Variants in DYNC2H1 observed in about 807,000 individuals in gnomAD.
DYNC2H1 encodes dynein cytoplasmic 2 heavy chain 1.
Under a neutral mutation model 570.0 loss-of-function variants are expected in DYNC2H1, and 410 were observed. The ratio of observed to expected loss-of-function variants is 0.72; its 90% CI spans 0.66 to 0.78. DYNC2H1 has a LOEUF of 0.78. Ranked by LOEUF, DYNC2H1 falls within the 30% of genes least tolerant of loss-of-function variation. The pLI is 0.00. For synonymous variants in DYNC2H1, 1,688 were observed against 1,677.6 expected (o/e 1.01, Z -0.15); for missense variants, 4,865 against 5,046.4 (o/e 0.96, Z 1.09).
At chr11:103,432,628 T>C (rs1943932808) in intron 84 of DYNC2H1, among the ~76,000 whole-genome samples, 1 of 151,736 alleles carries the variant, frequency 6.6e-6, no homozygotes, top group African/African-American at 2.4e-5. Context: ...TGGTCTAAAA[T>C]AACCATAAAC....
chr11:103,172,900 G>T (rs1447189422), intron 34 of DYNC2H1, among the ~76,000 whole-genome samples, 182 bp from the exon 35 acceptor site: 3 of 151,920 alleles, frequency 2.0e-5, no homozygotes, highest in Non-Finnish European at 4.4e-5. Context: ...TAAGGAGATG[G>T]TTAGTACATT....
At chr11:103,427,931 CTTCCAAGA>C (rs140761223) in intron 84 of DYNC2H1, among the ~76,000 whole-genome samples, 8,254 of 151,780 alleles carry the variant, frequency 0.054, 271 homozygotes, top group Non-Finnish European at 0.079. Flanking sequence ...TACTAGAGTT[CTTCCAAGA>C]AACAGAACCA....
At chr11:103,426,949 C>G (rs1367960137) in intron 84 of DYNC2H1, among the ~76,000 whole-genome samples, 1 of 152,010 alleles carries the variant, frequency 6.6e-6, no homozygotes, top group Non-Finnish European at 1.5e-5. Flanking sequence ...TATAAAAATT[C>G]ATAAATGTGT....
intron 28 of DYNC2H1, 106 bp downstream of exon 28, chr11:103,159,133 T>C: frequency 1.3e-6 from 1 of 784,240 alleles, no homozygotes; most frequent in South Asian, 1.9e-5. Context: ...TCAGTTCATA[T>C]ACCCAAATAC....
rs981069530 is a variant in DYNC2H1, at chr11:103,168,933, T to G, written c.4941T>G (p.Ser1647=). The G allele has an allele frequency of 8.7e-6, 14 of 1,611,774 alleles. No individual in the cohort carries two copies. Among genetic ancestry groups the G allele is most frequent in the Non-Finnish European group, 1.2e-5 (14 of 1,179,142 alleles). The change falls in exon 32 of 89, where the codon TCT becomes TCG. Residue 1647 remains serine (S), a synonymous_variant. Transcript: ENST00000375735. ...DHTCCVQMVD[S]EFQYTYEYQG... ...CATGTTGTGTTCAAATGGTGGATTC[T>G]GAATTTCAGTATACTTATGAATATC...
chr11:103,282,144 T>A lies in DYNC2H1; in HGVS notation c.10762-35T>A, dbSNP rs761824529. 6 of 1,589,982 alleles carry A rather than the reference T, an allele frequency of 3.8e-6. No individual in the cohort carries two copies. In the South Asian group the frequency reaches 7.0e-5, roughly 18 times the overall value. ...CAATTTTGTTAACTGGTTATCATTTTTATATTTTTGTGTTCCTATATTTTT... is the reference window on the plus strand; with the variant it reads ...CAATTTTGTTAACTGGTTATCATTTATATATTTTTGTGTTCCTATATTTTT... On this transcript the variant is annotated intron_variant, in intron 71 of 88. Transcript: ENST00000375735.
At chr11:103,343,106 G>C (rs1372202547) in intron 82 of DYNC2H1, among the ~76,000 whole-genome samples, 1 of 152,174 alleles carries the variant, frequency 6.6e-6, no homozygotes, top group African/African-American at 2.4e-5. Context: ...GGGAGCATTG[G>C]TTTGCCTGGA....
chr11:103,447,684 T>A (rs1944473039), intron 85 of DYNC2H1, among the ~76,000 whole-genome samples: 1 of 152,164 alleles, frequency 6.6e-6, no homozygotes, highest in South Asian at 2.1e-4. Flanking sequence ...GAGAGGTTTA[T>A]TATAACTAAG....
At chr11:103,208,339 G>C (rs1053646695) in intron 52 of DYNC2H1, among the ~76,000 whole-genome samples, 1 of 152,172 alleles carries the variant, frequency 6.6e-6, no homozygotes, top group African/African-American at 2.4e-5. Context: ...TGGACTGGTA[G>C]ATGCCTGCAC....
At chr11:103,221,941 A>T in intron 57 of DYNC2H1, 89 bp from the exon 58 acceptor site, 11 of 1,342,716 alleles carry the variant, frequency 8.2e-6, no homozygotes, top group Non-Finnish European at 1.1e-5. Flanking sequence ...GATTAAAAGT[A>T]TTGCATACAC....
chr11:103,372,032 CTTTTTTTTTTTT>C (rs1156605664), intron 83 of DYNC2H1, among the ~76,000 whole-genome samples: 1 of 38,056 alleles, frequency 2.6e-5, no homozygotes, highest in South Asian at 1.6e-3. Context: ...TTGTCTTGTT[CTTTTTTTTTTTT>C]TTTTTTTTTT....
chr11:103,119,958 G>C (rs535486419), intron 6 of DYNC2H1, among the ~76,000 whole-genome samples: 1 of 152,096 alleles, frequency 6.6e-6, no homozygotes, highest in Admixed American at 6.5e-5. Context: ...TTTGATTGTT[G>C]GTGGAAATTT....
rs1462508267 is a variant in DYNC2H1 at position 103,152,225 on chromosome 11, A to G, written c.3036A>G (p.Lys1012=). The change falls in exon 21 of 89, where the codon AAA becomes AAG. Residue 1012 remains lysine (K), a synonymous_variant. Coordinates refer to ENST00000375735, the MANE Select transcript of DYNC2H1 (RefSeq NM_001377.3). ...GTTTAGAAACAATTAGTAATTTGAA[A>G]GCCAAGTGGGATAAATTTGAGTTAA... The part of the protein sequence containing the change: ...GGGLETISNL[K]AKWDKFELMM... 2 of 1,609,886 alleles carry G rather than the reference A, an allele frequency of 1.2e-6. No homozygotes were observed. The highest frequency in any genetic ancestry group is 1.7e-6 in the Non-Finnish European group (2 of 1,178,554).
chr11:103,407,677 AG>A (rs2135674714), intron 84 of DYNC2H1: 1 of 152,020 alleles, frequency 6.6e-6, no homozygotes, highest in Non-Finnish European at 1.5e-5. Context: ...AATAGTAGTT[AG>A]GGCATTTATT....
chr11:103,469,343 T>C (rs1945295932), intron 88 of DYNC2H1, among the ~76,000 whole-genome samples: 1 of 152,214 alleles, frequency 6.6e-6, no homozygotes. Context: ...TAGGACATAG[T>C]TGTAAAGAAG....
intron 84 of DYNC2H1, among the ~76,000 whole-genome samples, chr11:103,424,705 C>CAAAAAAAAA (rs72076859): frequency 7.6e-6 from 1 of 131,040 alleles, no homozygotes. Flanking sequence ...ACTGGCTCTC[C>CAAAAAAAAA]AAAAAAAAAA....
At chr11:103,125,462 C>T (rs1458998949) in intron 12 of DYNC2H1, among the ~76,000 whole-genome samples, 167 bp downstream of exon 12, 5 of 150,194 alleles carry the variant, frequency 3.3e-5, no homozygotes, top group African/African-American at 9.8e-5. Context: ...GCTTTGTAAC[C>T]TATAAGGAAT....
At chr11:103,415,164 T>C (rs914447028) in intron 84 of DYNC2H1, among the ~76,000 whole-genome samples, 2 of 152,134 alleles carry the variant, frequency 1.3e-5, no homozygotes, top group Non-Finnish European at 2.9e-5. Flanking sequence ...CAAAAATTAA[T>C]TCGAGATGGA....
In DYNC2H1 at chr11:103,465,647, T is replaced by G. The variant is rs1469388752; in HGVS notation, c.12649-2942T>G. ...TAGATCAGTTAGAAGGGAAGGTCCA[T>G]GCTGGCCTCATTCATATATATGGCA... On this transcript the variant is annotated intron_variant, in intron 87 of 88. Coordinates refer to ENST00000375735, the MANE Select transcript of DYNC2H1 (RefSeq NM_001377.3). This position sits in a 1 kb window ranked among gnomAD's most constrained non-coding sequence, Gnocchi z 4.9. Among the ~76,000 whole-genome samples, 1 of 152,188 alleles carries G rather than the reference T, an allele frequency of 6.6e-6. No homozygotes were observed. Among genetic ancestry groups the G allele is most frequent in the Admixed American group, 6.5e-5 (1 of 15,274 alleles).
Sources: allele counts gnomAD v4.1 joint callset (sites outside exome capture counted in the v4.1 genomes callset), GRCh38; gene constraint gnomAD v4.1.1; non-coding constraint Gnocchi (gnomAD v3.1); transcripts MANE v1.5; gene names NCBI Gene and HGNC (gene_info 2026-07-23, HGNC 2026-07-21).